Variants in AHNAK observed in about 807,000 individuals in gnomAD.
The protein encoded by AHNAK is AHNAK nucleoprotein.
In AHNAK, 23 loss-of-function variants were observed where a neutral mutation model predicts 37.8. The ratio of observed to expected loss-of-function variants is 0.61; its 90% CI spans 0.44 to 0.86. The LOEUF (loss-of-function observed/expected upper bound fraction) is 0.86. Among genes scored for constraint, AHNAK ranks in the 40% least tolerant of loss-of-function variants. The pLI, the probability that AHNAK is intolerant of heterozygous loss-of-function variation, is 0.00. For missense variants in AHNAK, 7,411 were observed against 7,319.4 expected (o/e 1.01, Z -0.46); for synonymous variants, 2,481 against 2,636.3 (o/e 0.94, Z 1.80).
chr11:62,462,061 G>T (rs969209882), intron 5 of AHNAK, among the ~76,000 whole-genome samples: 20 of 152,090 alleles, frequency 1.3e-4, no homozygotes, highest in African/African-American at 4.8e-4. Flanking sequence ...TGGCCTCTTG[G>T]CCCCTGCATT....
chr11:62,478,858 G>A (rs994657580), intron 5 of AHNAK, among the ~76,000 whole-genome samples: 23 of 150,746 alleles, frequency 1.5e-4, no homozygotes, highest in African/African-American at 5.6e-4. Context: ...TGATGACACT[G>A]TTTCACTAAT....
At position 62,531,568 on chromosome 11, in the gene AHNAK, T is replaced by A. The variant is rs1344031254; in HGVS notation, c.2849A>T (p.Asp950Val). The A allele has an allele frequency of 1.2e-5, 20 of 1,614,088 alleles. No individual in the cohort carries two copies. Among genetic ancestry groups the A allele is most frequent in the Non-Finnish European group, 1.7e-5 (20 of 1,180,040 alleles). ...NIKAPKISMP[D>V]VDLHMKGPKV... ...AGGACCTTTCATATGCAAGTCCACATCAGGCATGGAGATCTTGGGGGCCTT... is the reference window on the plus strand; with the variant it reads ...AGGACCTTTCATATGCAAGTCCACAACAGGCATGGAGATCTTGGGGGCCTT... Residue 950 changes from aspartate to valine, a missense_variant, in exon 5 of 5, where the codon GAT becomes GTT. Coordinates refer to ENST00000378024, the MANE Select transcript of AHNAK (RefSeq NM_001620.3).
At chr11:62,513,623 G>A (rs1939954015), downstream of AHNAK, among the ~76,000 whole-genome samples, 1 of 151,998 alleles carries the variant, frequency 6.6e-6, no homozygotes, top group South Asian at 2.1e-4. Flanking sequence ...TGCATGGGCA[G>A]GGCGAGGGAG....
chr11:62,441,294 G>A (rs924708489), intron 5 of AHNAK, among the ~76,000 whole-genome samples: 4 of 151,740 alleles, frequency 2.6e-5, no homozygotes, highest in Non-Finnish European at 5.9e-5. Context: ...GAGCCACCAC[G>A]TCCGGCCTCT....
At chr11:62,482,727 A>G (rs1176628612) in intron 5 of AHNAK, among the ~76,000 whole-genome samples, 3 of 152,304 alleles carry the variant, frequency 2.0e-5, no homozygotes, top group Admixed American at 2.0e-4. Context: ...GTCTCCATCT[A>G]GCATGGTAGA....
Position 62,531,529 on chromosome 11 carries a change from T to C in AHNAK, c.2888A>G (p.Glu963Gly). 1.2e-6 allele frequency: 2 copies of C among 1,614,188 alleles called. No individual in the cohort carries two copies. Among genetic ancestry groups the C allele is most frequent in the Non-Finnish European group, 1.7e-6 (2 of 1,180,028 alleles). Residue 963 changes from glutamate to glycine, a missense_variant, in exon 5 of 5, where the codon GAA (glutamate) becomes GGA (glycine). Transcript: ENST00000378024. ...LHMKGPKVKG[E>G]YDMTVPKLEG... ...CAGCTTTGGCACTGTCATATCATAT[T>C]CTCCCTTTACTTTAGGACCTTTCAT... is the stretch of plus-strand genomic sequence containing the variant.
At position 62,523,826 on chromosome 11, in the gene AHNAK, A is replaced by G; in HGVS notation, c.10591T>C (p.Phe3531Leu). 2 of 1,613,962 alleles carry G rather than the reference A, an allele frequency of 1.2e-6. No individual in the cohort carries two copies. The highest frequency in any genetic ancestry group is 1.7e-6 in the Non-Finnish European group (2 of 1,179,990). ...GPEGGLKGPKFKMPDMNIKAP... is the reference protein window; with the variant it reads ...GPEGGLKGPKLKMPDMNIKAP... ...TTGATATTCATGTCAGGCATCTTGA[A>G]TTTGGGACCTTTCAAGCCTCCCTCC... Residue 3531 changes from phenylalanine to leucine, a missense_variant, in exon 5 of 5, where the codon TTC (phenylalanine) becomes CTC (leucine). Physicochemically the swap from Phe to Leu is conservative, Grantham distance 22. Coordinates refer to ENST00000378024, the MANE Select transcript of AHNAK (RefSeq NM_001620.3).
chr11:62,516,002 T>A lies in AHNAK; in HGVS notation c.*742A>T. 8.5e-7 allele frequency: 1 copy of A among 1,171,604 alleles called. No homozygotes were observed. The highest frequency in any genetic ancestry group is 1.6e-5 in the African/African-American group (1 of 62,490). 72.6% of individuals were successfully genotyped at this position (1,171,604 alleles called of 1,614,324 possible). On this transcript the variant is annotated 3_prime_UTR_variant, in exon 5 of 5. Coordinates refer to ENST00000378024, the MANE Select transcript of AHNAK (RefSeq NM_001620.3). The stretch of plus-strand genomic sequence containing the variant: ...GTGCTGGAAATTTTCTTAATCATGA[T>A]AACATTTGTTAAAAAGAAATCAGAA...
At chr11:62,483,591 G>T (rs1332003163) in intron 5 of AHNAK, among the ~76,000 whole-genome samples, 2 of 151,820 alleles carry the variant, frequency 1.3e-5, no homozygotes, top group African/African-American at 4.8e-5. Flanking sequence ...AGGCGCGGTG[G>T]CTCACGCCTG....
At chr11:62,545,238 GCA>G (rs1941269660) in intron 1 of AHNAK, among the ~76,000 whole-genome samples, 1 of 152,240 alleles carries the variant, frequency 6.6e-6, no homozygotes, top group Non-Finnish European at 1.5e-5. Flanking sequence ...AAACCGGCAA[GCA>G]CACACATCGC....
In AHNAK at chr11:62,516,954, T is replaced by C. The variant is rs775292459; in HGVS notation, c.17463A>G (p.Lys5821=). 7.4e-6 allele frequency: 12 copies of C among 1,614,044 alleles called. No individual in the cohort carries two copies. In the East Asian group the frequency reaches 2.7e-4, roughly 36 times the overall value. The change falls in exon 5 of 5, where the codon AAA becomes AAG. Residue 5821 remains lysine (K), a synonymous_variant. Coordinates refer to ENST00000378024, the MANE Select transcript of AHNAK (RefSeq NM_001620.3). Reference sequence around the variant, plus strand: ...ACCCCAATCCACCAAAGGTACCGAATTTCAGCTTCCCGTGTTTCCCTTTAA... The same window carrying C: ...ACCCCAATCCACCAAAGGTACCGAACTTCAGCTTCCCGTGTTTCCCTTTAA... ...GKVKGKHGKL[K]FGTFGGLGSK...
Position 62,522,192 on chromosome 11 carries a change from T to A in AHNAK, c.12225A>T (p.Gly4075=). ...AATTAACATCCACTTCTGGGCCCTCTCCTTTAAATCCTGGCATGCTGAATT... is the reference window on the plus strand; with the variant it reads ...AATTAACATCCACTTCTGGGCCCTCACCTTTAAATCCTGGCATGCTGAATT... ...MPKFSMPGFK[G]EGPEVDVNLP... The change falls in exon 5 of 5, where the codon GGA becomes GGT. Residue 4075 remains glycine (G), a synonymous_variant. Coordinates refer to ENST00000378024, the MANE Select transcript of AHNAK (RefSeq NM_001620.3). 6.2e-7 allele frequency: 1 copy of A among 1,613,560 alleles called. No individual in the cohort carries two copies. The highest frequency in any genetic ancestry group is 8.5e-7 in the Non-Finnish European group (1 of 1,179,936).
chr11:62,539,845 G>A (rs1941069791), intron 1 of AHNAK, among the ~76,000 whole-genome samples: 1 of 152,228 alleles, frequency 6.6e-6, no homozygotes, highest in Non-Finnish European at 1.5e-5. Flanking sequence ...TCCTGGCACA[G>A]CCTGGAAGGA....
At chr11:62,462,204 C>T (rs1409309463) in intron 5 of AHNAK, among the ~76,000 whole-genome samples, 1 of 152,074 alleles carries the variant, frequency 6.6e-6, no homozygotes, top group East Asian at 1.9e-4. Context: ...CACAGTCCCC[C>T]CACCCCAACG....
downstream of AHNAK, among the ~76,000 whole-genome samples, chr11:62,513,588 G>T (rs955149857): frequency 5.3e-5 from 8 of 151,826 alleles, no homozygotes; most frequent in African/African-American, 1.7e-4. Flanking sequence ...ACCCCATCAG[G>T]AACTGAGGGA....
Position 62,523,904 on chromosome 11 carries a change from TG to T in AHNAK, c.10512del (p.Asn3504LysfsTer2). The part of the protein sequence containing the change: ...VAVDLPKGDI[N>X]IEGPSMNIEG... ...TCAATGTTCATACTTGGGCCCTCTA[TG>T]TTGATGTCTCCTTTTGGTAGATCCA... On this transcript the variant is annotated frameshift_variant, in exon 5 of 5. Transcript: ENST00000378024. LOFTEE classifies it low-confidence loss of function (END_TRUNC). 6.2e-7 allele frequency: 1 copy of T among 1,614,174 alleles called. No individual in the cohort carries two copies. The highest frequency in any genetic ancestry group is 2.2e-5 in the East Asian group (1 of 44,882).
At chr11:62,543,174 A>G (rs1396197142) in intron 1 of AHNAK, among the ~76,000 whole-genome samples, 1 of 152,158 alleles carries the variant, frequency 6.6e-6, no homozygotes, top group Non-Finnish European at 1.5e-5. Flanking sequence ...CTGCACCCCC[A>G]AGGCTGTCCT....
At chr11:62,491,750 C>A (rs202015820) in exon 5 of AHNAK, 2 of 1,612,024 alleles carry the variant, frequency 1.2e-6, no homozygotes, top group South Asian at 2.2e-5. Context: ...GGGGTGGAGA[C>A]TGAAACTGCC....
rs541401198 is a variant in AHNAK at position 62,508,383 on chromosome 11, A to C, written c.343-16552T>G. On this transcript the variant is annotated intron_variant, in intron 4 of 5. Coordinates refer to the AHNAK transcript ENST00000257247. Reference sequence around the variant, plus strand: ...GAGCCTCACCTTTCTGGTTTGTAAGATAGGGTCAGCAAATGCCAGAGCTGC... The same window carrying C: ...GAGCCTCACCTTTCTGGTTTGTAAGCTAGGGTCAGCAAATGCCAGAGCTGC... 2.6e-5 allele frequency among the ~76,000 whole-genome samples: 4 copies of C among 152,292 alleles called. No homozygotes were observed. The South Asian group carries it at 8.3e-4, about 32-fold the overall frequency.
Sources: allele counts gnomAD v4.1 joint callset (sites outside exome capture counted in the v4.1 genomes callset), GRCh38; gene constraint gnomAD v4.1.1; transcripts MANE v1.5; gene names NCBI Gene and HGNC (gene_info 2026-07-23, HGNC 2026-07-21).